PLAA: variants seen among roughly 807,000 people sequenced by gnomAD.
PLAA encodes phospholipase A-2-activating protein.
PLAA carries 48 observed loss-of-function variants against 84.1 expected under a neutral mutation model. The observed-to-expected ratio is 0.57, with a 90% confidence interval of 0.45 to 0.73. PLAA has a LOEUF of 0.73. Ranked by LOEUF, PLAA falls within the 30% of genes least tolerant of loss-of-function variation. The pLI, the probability that PLAA is intolerant of heterozygous loss-of-function variation, is 0.00. For missense variants in PLAA, 903 were observed against 954.7 expected, an observed-to-expected ratio of 0.95 and a Z score of 0.71; for synonymous variants, 392 against 336.6, an observed-to-expected ratio of 1.16 and a Z score of -1.80.
At chr9:26,915,966 C>G (rs1309073574) in intron 10 of PLAA, 1 of 985,286 alleles carries the variant, frequency 1.0e-6, no homozygotes, top group Non-Finnish European at 1.2e-6. Context: ...ATCCTTACTA[C>G]CATTTGAAAT....
chr9:26,923,889 C>T (rs1354167960), intron 6 of PLAA, among the ~76,000 whole-genome samples: 4 of 152,104 alleles, frequency 2.6e-5, no homozygotes, highest in African/African-American at 7.2e-5. Context: ...TTTCTTAATT[C>T]GAAATTCTGA....
In PLAA at chr9:26,935,111, T is replaced by G; in HGVS notation, c.245A>C (p.His82Pro). Reference protein sequence around the residue: ...CIIPSSDIYPHGLIATGGNDH... With the variant: ...CIIPSSDIYPPGLIATGGNDH... The stretch of plus-strand genomic sequence containing the variant: ...ATTTCCACCGGTGGCAATTAGGCCA[T>G]GAGGGTAGATGTCACTTGAGGGTAT... Residue 82 changes from histidine to proline, a missense_variant, in exon 2 of 14, where the codon CAT (histidine) becomes CCT (proline). By Grantham distance (77) the His-to-Pro change is moderately conservative (BLOSUM62 -2). Transcript: ENST00000397292. The G allele has an allele frequency of 6.2e-7, 1 of 1,610,806 alleles. No individual in the cohort carries two copies. The highest frequency in any genetic ancestry group is 1.1e-5 in the South Asian group (1 of 90,414).
At chr9:26,942,483 G>A (rs910712217) in intron 1 of PLAA, among the ~76,000 whole-genome samples, 4 of 152,208 alleles carry the variant, frequency 2.6e-5, no homozygotes, top group African/African-American at 4.8e-5. Context: ...TACATAGTAA[G>A]CTAAGCAAAT....
At chr9:26,920,135 A>G in intron 8 of PLAA, 92 bp downstream of exon 8, 3 of 1,050,908 alleles carry the variant, frequency 2.9e-6, no homozygotes, top group Non-Finnish European at 4.2e-6. Flanking sequence ...AAATGTCAAA[A>G]CAAAGGAAAT....
intron 10 of PLAA, 110 bp downstream of exon 10, chr9:26,916,987 G>C (rs1309244331): frequency 2.2e-6 from 2 of 900,530 alleles, no homozygotes; most frequent in Non-Finnish European, 3.4e-6. Context: ...TGGAAATGCA[G>C]ATAAGGGAAT....
intron 1 of PLAA, among the ~76,000 whole-genome samples, chr9:26,941,156 C>CAA (rs1313819884): frequency 1.7e-3 from 42 of 25,208 alleles, no homozygotes; most frequent in South Asian, 6.6e-3. Flanking sequence ...GGTATTAAGA[C>CAA]AAAAAAAAAA....
chr9:26,941,912 A>G (rs1036488786), intron 1 of PLAA, among the ~76,000 whole-genome samples: 2 of 152,202 alleles, frequency 1.3e-5, no homozygotes, highest in African/African-American at 2.4e-5. Flanking sequence ...TTTCATATTA[A>G]AAGGGCCCGC....
At chr9:26,919,233 A>G (rs1197255387) in intron 9 of PLAA, 77 bp downstream of exon 9, 9 of 831,840 alleles carry the variant, frequency 1.1e-5, no homozygotes, top group Non-Finnish European at 1.7e-5. Flanking sequence ...AGCTAATCAC[A>G]TGACTATTTG....
chr9:26,947,158 C>T lies in PLAA; in HGVS notation c.-113G>A. ...AGAAGAGCCTGCAGGTAAGGGGCGG[C>T]CGGAGACCGGAAGAGCCCGAGAGCC... On this transcript the variant is annotated 5_prime_UTR_variant, in exon 1 of 14. Coordinates refer to ENST00000397292, the MANE Select transcript of PLAA (RefSeq NM_001031689.3). 2.4e-6 allele frequency: 3 copies of T among 1,268,580 alleles called. No homozygotes were observed. Among genetic ancestry groups the T allele is most frequent in the Non-Finnish European group, 3.1e-6 (3 of 966,276 alleles). 78.6% of individuals were successfully genotyped at this position (1,268,580 alleles called of 1,614,324 possible). A position where few individuals can be genotyped will look rare whatever the true frequency, so the allele number is the denominator to read the frequency against.
At chr9:26,944,786 G>T (rs1310963938) in intron 1 of PLAA, among the ~76,000 whole-genome samples, 1 of 152,168 alleles carries the variant, frequency 6.6e-6, no homozygotes, top group East Asian at 1.9e-4. Context: ...TTCTTCATCA[G>T]TGTTAGATAA....
rs1824588604 is a variant in PLAA at position 26,917,135 on chromosome 9, C to A, written c.1448G>T (p.Gly483Val). Residue 483 changes from glycine (G) to valine (V), a missense_variant, in exon 10 of 14, where the codon GGA (glycine) becomes GTA (valine). By Grantham distance (109) the Gly-to-Val change is moderately radical. Coordinates refer to ENST00000397292, the MANE Select transcript of PLAA (RefSeq NM_001031689.3). ...GGGRYVPGSS[G>V]SSNTLPTADP... is the part of the protein sequence containing the mutation. ...TGCTGTGGGTAGTGTGTTAGAAGAT[C>A]CCGAAGAGCCCGGAACATACCGACC... is the stretch of plus-strand genomic sequence containing the variant. The A allele has an allele frequency of 6.2e-7, 1 of 1,613,926 alleles. No individual in the cohort carries two copies. Among genetic ancestry groups the A allele is most frequent in the Non-Finnish European group, 8.5e-7 (1 of 1,179,882 alleles).
chr9:26,943,910 T>A (rs1398251042), intron 1 of PLAA, among the ~76,000 whole-genome samples: 1 of 152,106 alleles, frequency 6.6e-6, no homozygotes. Flanking sequence ...GCAGTGATCA[T>A]GCCATTGCAT....
At chr9:26,937,856 C>T (rs1458575566) in intron 1 of PLAA, among the ~76,000 whole-genome samples, 1 of 130,980 alleles carries the variant, frequency 7.6e-6, no homozygotes, top group Admixed American at 8.3e-5. Flanking sequence ...GTTTGAAGAA[C>T]ACAAAAAAAG....
intron 11 of PLAA, among the ~76,000 whole-genome samples, chr9:26,912,636 G>C (rs755431018): frequency 2.6e-5 from 4 of 152,124 alleles, no homozygotes; most frequent in Non-Finnish European, 4.4e-5. Flanking sequence ...TTGTTAACAA[G>C]TACAGCTAAC....
At chr9:26,939,019 A>G (rs979673547) in intron 1 of PLAA, among the ~76,000 whole-genome samples, 4 of 152,208 alleles carry the variant, frequency 2.6e-5, no homozygotes, top group African/African-American at 7.2e-5. Flanking sequence ...CAACTTTAGG[A>G]TATTAAATAT....
chr9:26,943,151 T>TG (rs1825591860), intron 1 of PLAA, among the ~76,000 whole-genome samples: 1 of 152,114 alleles, frequency 6.6e-6, no homozygotes, highest in Admixed American at 6.6e-5. Context: ...ACGACAGACT[T>TG]GGGAAATGTA....
chr9:26,910,295 A>C (rs756739756), intron 12 of PLAA, 43 bp downstream of exon 12: 1 of 1,424,424 alleles, frequency 7.0e-7, no homozygotes, highest in African/African-American at 1.4e-5. Flanking sequence ...TGACATCTCA[A>C]ACAGTCTGTG....
At chr9:26,937,743 G>A (rs977810304) in intron 1 of PLAA, among the ~76,000 whole-genome samples, 4 of 151,730 alleles carry the variant, frequency 2.6e-5, no homozygotes, top group Admixed American at 2.6e-4. Flanking sequence ...AAGATGAAAG[G>A]TATGATAACT....
chr9:26,926,448 T>C lies in PLAA; in HGVS notation c.678A>G (p.Val226=), dbSNP rs766781182. 4.3e-6 allele frequency: 7 copies of C among 1,611,080 alleles called. No individual in the cohort carries two copies. Among genetic ancestry groups the C allele is most frequent in the Non-Finnish European group, 5.9e-6 (7 of 1,177,486 alleles). The change falls in exon 5 of 14, where the codon GTA becomes GTG. Residue 226 remains valine (V), a synonymous_variant. Coordinates refer to ENST00000397292, the MANE Select transcript of PLAA (RefSeq NM_001031689.3). ...AAATATAATTTGTATGTCCATAATA[T>C]ACTTCAAGACACTCGCCAGTGATTT... ...RWQITGECLE[V]YYGHTNYIYS... is the part of the protein sequence containing the mutation.
Sources: gnomAD v4.1 joint callset for allele counts (sites outside exome capture counted in the v4.1 genomes callset) on GRCh38, gnomAD v4.1.1 for gene constraint, MANE v1.5 for transcripts, NCBI Gene and HGNC (gene_info 2026-07-23, HGNC 2026-07-21) for gene names.